The following SLC4A3 variants were observed in gnomAD, a reference collection of about 807,000 sequenced individuals.
SLC4A3 encodes solute carrier family 4 member 3.
In SLC4A3, 47 loss-of-function variants were observed where a neutral mutation model predicts 114.2. The observed-to-expected ratio is 0.41, with a 90% CI of 0.33 to 0.52. The LOEUF (loss-of-function observed/expected upper bound fraction) is 0.52, where lower values mean the gene tolerates loss of function less well. Ranked by LOEUF, SLC4A3 falls within the 20% of genes least tolerant of loss-of-function variation. SLC4A3 has a pLI of 0.21. For missense variants in SLC4A3, 1,312 were observed against 1,668.3 expected, an observed-to-expected ratio of 0.79 and a Z score of 3.72; for synonymous variants, 693 against 710.3, an observed-to-expected ratio of 0.98 and a Z score of 0.39.
chr2:219,631,152 A>C lies in SLC4A3; in HGVS notation c.811+800A>C. The C allele has an allele frequency of 8.5e-7, 1 of 1,178,078 alleles. No homozygotes were observed. Among genetic ancestry groups the C allele is most frequent in the Non-Finnish European group, 1.1e-6 (1 of 926,942 alleles). 73.0% of individuals were successfully genotyped at this position (1,178,078 alleles called of 1,614,324 possible). A position where few individuals can be genotyped will look rare whatever the true frequency, so the allele number is the denominator to read the frequency against. Reference sequence around the variant, plus strand: ...GTGCCACCTTCAGCTCTGGTTGGACAGAAGCCACCCCGTCCAGGCTCCCAC... The same window carrying C: ...GTGCCACCTTCAGCTCTGGTTGGACCGAAGCCACCCCGTCCAGGCTCCCAC... On this transcript the variant is annotated intron_variant, in intron 6 of 22. Coordinates refer to ENST00000358055, the MANE Select transcript of SLC4A3 (RefSeq NM_005070.4). This position sits in a 1 kb window ranked among gnomAD's most constrained non-coding sequence, Gnocchi z 6.3.
At chr2:219,627,848 CCCG>C in intron 1 of SLC4A3, 49 bp from the exon 2 acceptor site, 2 of 634,008 alleles carry the variant, frequency 3.2e-6, no homozygotes, top group Non-Finnish European at 5.3e-6. Flanking sequence ...GCATCCGGCT[CCCG>C]GGTGGGGGGC....
At position 219,630,337 on chromosome 2, in the gene SLC4A3, C is replaced by T. The variant is rs144563212; in HGVS notation, c.796C>T (p.Leu266=). The change falls in exon 6 of 23, where the codon CTG becomes TTG. Residue 266 remains leucine (L), a synonymous_variant. Coordinates refer to ENST00000358055, the MANE Select transcript of SLC4A3 (RefSeq NM_005070.4). This position sits in a 1 kb window ranked among gnomAD's most constrained non-coding sequence, Gnocchi z 6.9. The part of the protein sequence containing the change: ...AEAQMLGSAD[L]DDMKSHRLED... ...GGCCCAGATGCTGGGTTCTGCAGACCTGGACGACATGAAGAGTGAGTGAGA... is the reference window on the plus strand; with the variant it reads ...GGCCCAGATGCTGGGTTCTGCAGACTTGGACGACATGAAGAGTGAGTGAGA... 23 of 1,605,784 alleles carry T rather than the reference C, an allele frequency of 1.4e-5. No individual in the cohort carries two copies. In the African/African-American group the frequency reaches 2.8e-4, roughly 20 times the overall value.
rs1413626497 is a variant in SLC4A3 at position 219,630,343 on chromosome 2, G to A, written c.802G>A (p.Asp268Asn). 2.5e-6 allele frequency: 4 copies of A among 1,600,892 alleles called. No individual in the cohort carries two copies. Among genetic ancestry groups the A allele is most frequent in the Admixed American group, 3.4e-5 (2 of 59,236 alleles). ...GATGCTGGGTTCTGCAGACCTGGAC[G>A]ACATGAAGAGTGAGTGAGACCTTGT... ...AQMLGSADLD[D>N]MKSHRLEDNP... Residue 268 changes from aspartate (D) to asparagine (N), a missense_variant, in exon 6 of 23, where the codon GAC (aspartate) becomes AAC (asparagine). By Grantham distance (23) the Asp-to-Asn change is conservative. Coordinates refer to ENST00000358055, the MANE Select transcript of SLC4A3 (RefSeq NM_005070.4). This position sits in a 1 kb window ranked among gnomAD's most constrained non-coding sequence, Gnocchi z 6.9.
chr2:219,627,856 G>A (rs1276086201), intron 1 of SLC4A3, 44 bp from the exon 2 acceptor site: 2 of 663,866 alleles, frequency 3.0e-6, no homozygotes, highest in Non-Finnish European at 5.0e-6. Flanking sequence ...CTCCCGGGTG[G>A]GGGGCGCCAG....
Position 219,636,670 on chromosome 2 carries a change from C to G in SLC4A3, c.2341-10C>G. ...ACCTGTGGGTAACGACCGCTCCTAC[C>G]CCCACCTAGTTCTGCCGAGCCCAGG... On this transcript the variant is annotated splice_polypyrimidine_tract_variant and intron_variant, in intron 15 of 22. Coordinates refer to ENST00000358055, the MANE Select transcript of SLC4A3 (RefSeq NM_005070.4). This position sits in a 1 kb window ranked among gnomAD's most constrained non-coding sequence, Gnocchi z 5.5. The G allele has an allele frequency of 6.2e-7, 1 of 1,611,328 alleles. No individual in the cohort carries two copies. Among genetic ancestry groups the G allele is most frequent in the Non-Finnish European group, 8.5e-7 (1 of 1,178,436 alleles).
chr2:219,638,091 A>C lies in SLC4A3; in HGVS notation c.2767-73A>C. 7.9e-7 allele frequency: 1 copy of C among 1,266,040 alleles called. No individual in the cohort carries two copies. Among genetic ancestry groups the C allele is most frequent in the East Asian group, 2.5e-5 (1 of 39,824 alleles). 78.4% of individuals were successfully genotyped at this position (1,266,040 alleles called of 1,614,324 possible). ...AGCTTGGACCCAGGCAGGGCCAGAG[A>C]TGGCAAGCCCCGTGTTAGTCTGCTG... On this transcript the variant is annotated intron_variant, in intron 17 of 22. Coordinates refer to ENST00000358055, the MANE Select transcript of SLC4A3 (RefSeq NM_005070.4). This position sits in a 1 kb window ranked among gnomAD's most constrained non-coding sequence, Gnocchi z 7.5.
chr2:219,631,258 A>C lies in SLC4A3; in HGVS notation c.812-710A>C, dbSNP rs374773289. The C allele has an allele frequency of 3.9e-6, 5 of 1,276,240 alleles. No individual in the cohort carries two copies. Among genetic ancestry groups the C allele is most frequent in the East Asian group, 1.1e-4 (2 of 17,460 alleles). 79.1% of individuals were successfully genotyped at this position (1,276,240 alleles called of 1,614,324 possible). On this transcript the variant is annotated intron_variant, in intron 6 of 22. Transcript: ENST00000358055. This position sits in a 1 kb window ranked among gnomAD's most constrained non-coding sequence, Gnocchi z 6.3. Reference sequence around the variant, plus strand: ...GGGAGAATGACGAGCCCACTGGAGAAGGACCCTGAGCCCAATGGGGCACTG... The same window carrying C: ...GGGAGAATGACGAGCCCACTGGAGACGGACCCTGAGCCCAATGGGGCACTG...
Position 219,629,373 on chromosome 2 carries a change from G to T in SLC4A3, c.447G>T (p.Glu149Asp). ...AGGAGGAAGAGGAAGGAGAATCTGA[G>T]GCAGAACCTGTGGAGCCCCCCCACT... ...EEEEEEEGES[E>D]AEPVEPPHSG... Residue 149 changes from glutamate (E) to aspartate (D), a missense_variant, in exon 4 of 23, where the codon GAG becomes GAT. By Grantham distance (45) the Glu-to-Asp change is conservative. Transcript: ENST00000358055. 1 of 1,598,732 alleles carries T rather than the reference G, an allele frequency of 6.3e-7. No individual in the cohort carries two copies. The highest frequency in any genetic ancestry group is 1.7e-5 in the Admixed American group (1 of 58,276).
intron 9 of SLC4A3, 78 bp from the exon 10 acceptor site, chr2:219,633,196 G>T: frequency 7.0e-7 from 1 of 1,429,944 alleles, no homozygotes; most frequent in South Asian, 1.3e-5. Context: ...TGGAGGTCCT[G>T]ACCCTCCACT....
Position 219,639,619 on chromosome 2 carries a change from TCA to T in SLC4A3, c.3163_3164del (p.Thr1055ProfsTer16). On this transcript the variant is annotated frameshift_variant, in exon 20 of 23. Transcript: ENST00000358055. LOFTEE classifies it high-confidence loss of function. This position sits in a 1 kb window ranked among gnomAD's most constrained non-coding sequence, Gnocchi z 5.9. The stretch of plus-strand genomic sequence containing the variant: ...CTCACGGCTGCCACGGTCCGCTCCG[TCA>T]CCCATGTCAATGCGTTGACAGTGAT... The T allele has an allele frequency of 6.2e-7, 1 of 1,613,968 alleles. No homozygotes were observed. The highest frequency in any genetic ancestry group is 8.5e-7 in the Non-Finnish European group (1 of 1,180,032).
chr2:219,629,925 A>T, intron 5 of SLC4A3: 2 of 805,908 alleles, frequency 2.5e-6, no homozygotes. Context: ...TGAAGAGGTT[A>T]GGAGTTCCCC....
In SLC4A3 at chr2:219,634,577, C is replaced by T; in HGVS notation, c.1719C>T (p.Arg573=). ...GCACTGACTATCACGAGCTTGGGCG[C>T]TCCATTGCCACCCTTATGTCTGACA... ...HTSTDYHELG[R]SIATLMSDKL... is the part of the protein sequence containing the mutation. The change falls in exon 12 of 23, where the codon CGC becomes CGT. Residue 573 remains arginine, a synonymous_variant. Transcript: ENST00000358055. 1 of 1,614,222 alleles carries T rather than the reference C, an allele frequency of 6.2e-7. No individual in the cohort carries two copies. Among genetic ancestry groups the T allele is most frequent in the Non-Finnish European group, 8.5e-7 (1 of 1,180,026 alleles).
In SLC4A3 at chr2:219,630,137, TG is replaced by T. The variant is rs753242200; in HGVS notation, c.612-15del. 5.6e-6 allele frequency: 9 copies of T among 1,612,704 alleles called. No homozygotes were observed. The South Asian group carries it at 9.9e-5, about 18-fold the overall frequency. On this transcript the variant is annotated splice_polypyrimidine_tract_variant and intron_variant, in intron 5 of 22. Transcript: ENST00000358055. The surrounding 1 kb of genome is among the most constrained non-coding windows in gnomAD (Gnocchi z 6.9). ...CTGGCCCTGTCAAGTCCAAGGCTGC[TG>T]TGTTGCCTCCCCAGCTCCCCCAGCC...
Position 219,633,394 on chromosome 2 carries a change from T to A in SLC4A3, c.1398T>A (p.Pro466=). The change falls in exon 10 of 23, where the codon CCT becomes CCA. Residue 466 remains proline (P), a synonymous_variant. Coordinates refer to ENST00000358055, the MANE Select transcript of SLC4A3 (RefSeq NM_005070.4). The part of the protein sequence containing the change: ...TPSHGPDGAV[P]TMADDLGEPA... ...GCCATGGCCCTGATGGGGCGGTGCC[T>A]ACCATGGCTGATGACCTGGGGGAGC... The A allele has an allele frequency of 6.3e-7, 1 of 1,590,490 alleles. No individual in the cohort carries two copies.
At position 219,635,683 on chromosome 2, in the gene SLC4A3, G is replaced by C. The variant is rs745916554; in HGVS notation, c.1983G>C (p.Leu661Phe). Reference protein sequence around the residue: ...GYTAPGKELSLELGGSEATPE... With the variant: ...GYTAPGKELSFELGGSEATPE... Reference sequence around the variant, plus strand: ...CCCTTGTTCCCCCAGAACTGTCTTTGGAGTTGGGGGGCTCTGAGGCAACCC... The same window carrying C: ...CCCTTGTTCCCCCAGAACTGTCTTTCGAGTTGGGGGGCTCTGAGGCAACCC... Residue 661 changes from leucine to phenylalanine, a missense_variant, in exon 14 of 23, where the codon TTG becomes TTC. This residue lies in a region of SLC4A3 where 771 missense variants were observed against 977.7 expected (regional missense o/e 0.79). Transcript: ENST00000358055. The C allele has an allele frequency of 6.3e-7, 1 of 1,585,242 alleles. No individual in the cohort carries two copies. Among genetic ancestry groups the C allele is most frequent in the South Asian group, 1.2e-5 (1 of 86,410 alleles).
At position 219,631,558 on chromosome 2, in the gene SLC4A3, C is replaced by T; in HGVS notation, c.812-410C>T. On this transcript the variant is annotated intron_variant, in intron 6 of 22. Transcript: ENST00000358055. The surrounding 1 kb of genome is among the most constrained non-coding windows in gnomAD (Gnocchi z 6.3). ...CTGCCTGAGTCTACTGGGCTGTGTA[C>T]CTTCGGGGAGGGGACGTGGGTGTTG... 9.0e-7 allele frequency: 1 copy of T among 1,108,452 alleles called. No homozygotes were observed. The highest frequency in any genetic ancestry group is 1.2e-6 in the Non-Finnish European group (1 of 844,234). 68.7% of individuals were successfully genotyped at this position (1,108,452 alleles called of 1,614,324 possible). A position where few individuals can be genotyped will look rare whatever the true frequency, so the allele number is the denominator to read the frequency against.
chr2:219,635,809 G>C lies in SLC4A3; in HGVS notation c.2109G>C (p.Ala703=). 6.3e-7 allele frequency: 1 copy of C among 1,593,120 alleles called. No homozygotes were observed. Among genetic ancestry groups the C allele is most frequent in the Non-Finnish European group, 8.5e-7 (1 of 1,171,212 alleles). The part of the protein sequence containing the change: ...YPHYPSDLRD[A]LHSQCVAAVL... ...ACTACCCCAGTGACCTGCGAGATGC[G>C]CTGCACTCCCAGTGTGTGGCCGCTG... The change falls in exon 14 of 23, where the codon GCG becomes GCC. Residue 703 remains alanine (A), a synonymous_variant. Transcript: ENST00000358055.
chr2:219,630,745 T>C lies in SLC4A3; in HGVS notation c.811+393T>C, dbSNP rs1241152207. ...TGCTCCGGACCCCTGCCTCTCCCTG[T>C]GTCAGGACCCTTCACTCCCATCCCA... On this transcript the variant is annotated intron_variant, in intron 6 of 22. Coordinates refer to ENST00000358055, the MANE Select transcript of SLC4A3 (RefSeq NM_005070.4). This position sits in a 1 kb window ranked among gnomAD's most constrained non-coding sequence, Gnocchi z 6.9. Among the ~76,000 whole-genome samples the C allele has an allele frequency of 6.6e-6, 1 of 152,094 alleles. No individual in the cohort carries two copies. Among genetic ancestry groups the C allele is most frequent in the African/African-American group, 2.4e-5 (1 of 41,410 alleles).
At position 219,628,460 on chromosome 2, in the gene SLC4A3, A is replaced by G. The variant is rs1248313268; in HGVS notation, c.107A>G (p.Asp36Gly). Reference sequence around the variant, plus strand: ...AGTCCAGACGTGGAGGAGGAGGACGATGACTTGGGCAAGACCTTGGCTGTG... The same window carrying G: ...AGTCCAGACGTGGAGGAGGAGGACGGTGACTTGGGCAAGACCTTGGCTGTG... ...PLSPDVEEED[D>G]DLGKTLAVSR... Residue 36 changes from aspartate (D) to glycine (G), a missense_variant, in exon 3 of 23, where the codon GAT (aspartate) becomes GGT (glycine). Physicochemically the swap from Asp to Gly is moderately conservative, Grantham distance 94. Transcript: ENST00000358055. The surrounding 1 kb of genome is among the most constrained non-coding windows in gnomAD (Gnocchi z 4.8). 6.2e-7 allele frequency: 1 copy of G among 1,613,698 alleles called. No homozygotes were observed. Among genetic ancestry groups the G allele is most frequent in the South Asian group, 1.1e-5 (1 of 91,042 alleles).
Sources: gnomAD v4.1 joint callset for allele counts (sites outside exome capture counted in the v4.1 genomes callset) on GRCh38, gnomAD v4.1.1 for gene constraint, gnomAD v4.1.1 regional missense constraint, Gnocchi (gnomAD v3.1) non-coding constraint, MANE v1.5 for transcripts, NCBI Gene and HGNC (gene_info 2026-07-23, HGNC 2026-07-21) for gene names.